The following SALL1 variants were observed in gnomAD, a reference collection of about 807,000 sequenced individuals.
SALL1 encodes the protein sal-like protein 1.
In SALL1, 10 loss-of-function variants were observed where a neutral mutation model predicts 73.1. That is an observed-to-expected ratio of 0.14 (90% CI 0.08 to 0.23). The LOEUF is 0.23. Ranked by LOEUF, SALL1 falls within the 10% of genes least tolerant of loss-of-function variation. The pLI is 1.00. For missense variants in SALL1, 1,520 were observed against 1,697.3 expected (o/e 0.90, Z 1.84); for synonymous variants, 688 against 689.8 (o/e 1.00, Z 0.04).
At chr16:51,147,288 A>T (rs1229345839) in intron 1 of SALL1, among the ~76,000 whole-genome samples, 17 of 152,188 alleles carry the variant, frequency 1.1e-4, no homozygotes, top group Admixed American at 1.1e-3. Flanking sequence ...TTGCTCATTT[A>T]TGTGTTTGTT....
At chr16:51,146,904 G>C (rs1962525811) in intron 1 of SALL1, among the ~76,000 whole-genome samples, 1 of 152,044 alleles carries the variant, frequency 6.6e-6, no homozygotes, top group Non-Finnish European at 1.5e-5. Flanking sequence ...AATATTTTTG[G>C]AATATTCTGG....
rs1962447564 is a variant in SALL1 at position 51,141,965 on chromosome 16, GAGA to G, written c.254_256del (p.Phe85del). On this transcript the variant is annotated inframe_deletion, in exon 2 of 3. Transcript: ENST00000251020. The surrounding 1 kb of genome is among the most constrained non-coding windows in gnomAD (Gnocchi z 5.4). ...AGGATTATCAGGAGGGGGGCTGGGGGAGAAGGTTTCGGGTGGGGAGGCTGGATT... is the reference window on the plus strand; with the variant it reads ...AGGATTATCAGGAGGGGGGCTGGGGGAGGTTTCGGGTGGGGAGGCTGGATT... 6.2e-7 allele frequency: 1 copy of G among 1,613,786 alleles called. No individual in the cohort carries two copies. The highest frequency in any genetic ancestry group is 8.5e-7 in the Non-Finnish European group (1 of 1,179,852).
chr16:51,142,199 C>A (rs79146613), intron 1 of SALL1, 54 bp from the exon 2 acceptor site: 3 of 1,355,508 alleles, frequency 2.2e-6, no homozygotes, highest in East Asian at 4.6e-5. Context: ...CACACAGTCA[C>A]CTATGACTTA....
rs771341159 is a variant in SALL1 at position 51,138,925 on chromosome 16, G to C, written c.3297C>G (p.Asp1099Glu). Residue 1099 changes from aspartate (D) to glutamate (E), a missense_variant, in exon 2 of 3, where the codon GAC becomes GAG. Asp to Glu is a conservative substitution (Grantham distance 45). Transcript: ENST00000251020. Reference protein sequence around the residue: ...VNGFVHVSPQDSKDTPTSHVP... With the variant: ...VNGFVHVSPQESKDTPTSHVP... Reference sequence around the variant, plus strand: ...CGTGACTGGTGGGGGTGTCCTTACTGTCCTGAGGAGAAACATGCACGAAGC... The same window carrying C: ...CGTGACTGGTGGGGGTGTCCTTACTCTCCTGAGGAGAAACATGCACGAAGC... 5 of 1,614,066 alleles carry C rather than the reference G, an allele frequency of 3.1e-6. No individual in the cohort carries two copies. The African/African-American group carries it at 4.0e-5, about 13-fold the overall frequency.
upstream of SALL1, among the ~76,000 whole-genome samples, chr16:51,151,539 G>C (rs1312738934): frequency 6.6e-6 from 1 of 151,830 alleles, no homozygotes; most frequent in Non-Finnish European, 1.5e-5. Context: ...GCAGACCCCT[G>C]TCTCTCCGCG....
upstream of SALL1, chr16:51,151,494 C>A (rs1338829426): frequency 1.2e-5 from 2 of 168,424 alleles, no homozygotes; most frequent in African/African-American, 4.8e-5. Flanking sequence ...GCTATTCAAA[C>A]CCGCTCGCCT....
At position 51,141,970 on chromosome 16, in the gene SALL1, G is replaced by C; in HGVS notation, c.252C>G (p.Thr84=). 1 of 1,613,964 alleles carries C rather than the reference G, an allele frequency of 6.2e-7. No homozygotes were observed. Among genetic ancestry groups the C allele is most frequent in the Non-Finnish European group, 8.5e-7 (1 of 1,179,990 alleles). Residue 84 remains threonine, a synonymous_variant, in exon 2 of 3, where the codon ACC becomes ACG. Coordinates refer to ENST00000251020, the MANE Select transcript of SALL1 (RefSeq NM_002968.3). This position sits in a 1 kb window ranked among gnomAD's most constrained non-coding sequence, Gnocchi z 5.4. ...TATCAGGAGGGGGGCTGGGGGAGAA[G>C]GTTTCGGGTGGGGAGGCTGGATTTT... The part of the protein sequence containing the change: ...VNENPASPPE[T]FSPSPPPDNP...
rs150909784 is a variant in SALL1, at chr16:51,139,483, A to G, written c.2739T>C (p.Ser913=). 36 of 1,614,080 alleles carry G rather than the reference A, an allele frequency of 2.2e-5. No individual in the cohort carries two copies. Among genetic ancestry groups the G allele is most frequent in the Non-Finnish European group, 3.0e-5 (35 of 1,180,040 alleles). Residue 913 remains serine (S), a synonymous_variant, in exon 2 of 3, where the codon AGT becomes AGC. Coordinates refer to ENST00000251020, the MANE Select transcript of SALL1 (RefSeq NM_002968.3). The stretch of plus-strand genomic sequence containing the variant: ...ACTCTGAGATGGCTGGGCTGCCAGC[A>G]CTTTGGCTTTCCATGTCACCACCCA... ...SSVGGDMESQ[S]AGSPAISEST...
At chr16:51,147,078 C>T (rs906892005) in intron 1 of SALL1, among the ~76,000 whole-genome samples, 3 of 152,134 alleles carry the variant, frequency 2.0e-5, no homozygotes, top group Non-Finnish European at 4.4e-5. Context: ...TGGAGTTCTA[C>T]CTTCTAAAAG....
chr16:51,147,538 G>A (rs889304580), intron 1 of SALL1, among the ~76,000 whole-genome samples: 2 of 151,992 alleles, frequency 1.3e-5, no homozygotes, highest in South Asian at 2.1e-4. Flanking sequence ...CTCAAAATGA[G>A]CAAATTACTT....
At chr16:51,151,976 T>TA (rs1962626107), upstream of SALL1, 1 of 150,626 alleles carries the variant, frequency 6.6e-6, no homozygotes, top group South Asian at 2.1e-4. Flanking sequence ...TTCGTTTCTT[T>TA]AAGAGCTACC....
In SALL1 at chr16:51,139,093, A is replaced by G. The variant is rs1383620012; in HGVS notation, c.3129T>C (p.Asn1043=). The part of the protein sequence containing the change: ...VCNRGFSTKG[N]LKQHMLTHQM... ...GATGTGTCAACATGTGCTGCTTCAA[A>G]TTACCCTTTGTGGAAAAGCCACGAT... The change falls in exon 2 of 3, where the codon AAT becomes AAC. Residue 1043 remains asparagine (N), a synonymous_variant. Coordinates refer to ENST00000251020, the MANE Select transcript of SALL1 (RefSeq NM_002968.3). The G allele has an allele frequency of 3.1e-6, 5 of 1,614,120 alleles. No individual in the cohort carries two copies. Among genetic ancestry groups the G allele is most frequent in the African/African-American group, 1.3e-5 (1 of 74,936 alleles).
At chr16:51,148,929 G>A (rs896395388) in intron 1 of SALL1, among the ~76,000 whole-genome samples, 1 of 152,102 alleles carries the variant, frequency 6.6e-6, no homozygotes, top group African/African-American at 2.4e-5. Flanking sequence ...AAGGCTGGGA[G>A]GGGGTGTTTC....
intron 1 of SALL1, among the ~76,000 whole-genome samples, chr16:51,144,613 T>C (rs2143459610): frequency 6.6e-6 from 1 of 152,330 alleles, no homozygotes; most frequent in South Asian, 2.1e-4. Context: ...TTTAATTCTT[T>C]ATAACTTGCA....
rs762734685 is a variant in SALL1, at chr16:51,138,867, A to G, written c.3355T>C (p.Ser1119Pro). 2 of 1,614,156 alleles carry G rather than the reference A, an allele frequency of 1.2e-6. No individual in the cohort carries two copies. The highest frequency in any genetic ancestry group is 8.5e-7 in the Non-Finnish European group (1 of 1,180,030). ...GGCAGAGCAGGGAGCAGAACTGGGG[A>G]TGTGGCAGAGGAAGACAGAGGCCCA... The part of the protein sequence containing the change: ...PSGPLSSSAT[S>P]PVLLPALPRR... The change falls in exon 2 of 3, where the codon TCC becomes CCC. Residue 1119 changes from serine to proline, a missense_variant. By Grantham distance (74) the Ser-to-Pro change is moderately conservative. Coordinates refer to ENST00000251020, the MANE Select transcript of SALL1 (RefSeq NM_002968.3).
In SALL1 at chr16:51,140,085, G is replaced by T; in HGVS notation, c.2137C>A (p.Arg713=). The change falls in exon 2 of 3, where the codon CGG becomes AGG. Residue 713 remains arginine (R), a synonymous_variant. Coordinates refer to ENST00000251020, the MANE Select transcript of SALL1 (RefSeq NM_002968.3). The surrounding 1 kb of genome is among the most constrained non-coding windows in gnomAD (Gnocchi z 5.7). The part of the protein sequence containing the change: ...TDPNECIICH[R]VLSCQSALKM... ...AAGGCGCTCTGGCAGCTGAGAACCC[G>T]GTGGCAGATGATGCACTCATTGGGG... The T allele has an allele frequency of 6.2e-7, 1 of 1,614,218 alleles. No homozygotes were observed. Among genetic ancestry groups the T allele is most frequent in the Non-Finnish European group, 8.5e-7 (1 of 1,180,040 alleles).
Position 51,140,031 on chromosome 16 carries a change from C to T in SALL1, c.2191G>A (p.Glu731Lys), listed in dbSNP as rs1466842238. 2 of 1,614,072 alleles carry T rather than the reference C, an allele frequency of 1.2e-6. No homozygotes were observed. Among genetic ancestry groups the T allele is most frequent in the Non-Finnish European group, 1.7e-6 (2 of 1,180,038 alleles). ...LKMHYRTHTGERPFKCKICGR... is the reference protein window; with the variant it reads ...LKMHYRTHTGKRPFKCKICGR... ...CAGATCTTACACTTAAAGGGCCTCT[C>T]CCCAGTGTGTGTCCTGTAGTGCATT... Residue 731 changes from glutamate to lysine, a missense_variant, in exon 2 of 3, where the codon GAG becomes AAG. Coordinates refer to ENST00000251020, the MANE Select transcript of SALL1 (RefSeq NM_002968.3). The surrounding 1 kb of genome is among the most constrained non-coding windows in gnomAD (Gnocchi z 5.7).
In SALL1 at chr16:51,140,628, T is replaced by C; in HGVS notation, c.1594A>G (p.Ile532Val). The C allele has an allele frequency of 6.2e-7, 1 of 1,614,138 alleles. No individual in the cohort carries two copies. Among genetic ancestry groups the C allele is most frequent in the Non-Finnish European group, 8.5e-7 (1 of 1,180,016 alleles). Reference sequence around the variant, plus strand: ...CTGGTGACTGGCTTCTCTGGAGGGATGGACATGCCATATGGGATGCCAGTA... The same window carrying C: ...CTGGTGACTGGCTTCTCTGGAGGGACGGACATGCCATATGGGATGCCAGTA... ...TSTGIPYGMS[I>V]PPEKPVTSWL... The change falls in exon 2 of 3, where the codon ATC becomes GTC. Residue 532 changes from isoleucine (I) to valine (V), a missense_variant. Ile to Val is a conservative substitution (Grantham distance 29). Around this residue, in one of 7 missense-constraint regions of SALL1, gnomAD observed 276 missense variants for 259.1 expected, o/e 1.07. Transcript: ENST00000251020. The surrounding 1 kb of genome is among the most constrained non-coding windows in gnomAD (Gnocchi z 5.7).
intron 1 of SALL1, chr16:51,149,379 A>T: frequency 6.6e-6 from 1 of 152,136 alleles, no homozygotes; most frequent in Non-Finnish European, 1.5e-5. Context: ...TTCCGGTGCA[A>T]AAGGTCTCAC....
Sources: allele counts gnomAD v4.1 joint callset (sites outside exome capture counted in the v4.1 genomes callset), GRCh38; gene constraint gnomAD v4.1.1; regional missense constraint gnomAD v4.1.1; non-coding constraint Gnocchi (gnomAD v3.1); transcripts MANE v1.5; gene names NCBI Gene and HGNC (gene_info 2026-07-23, HGNC 2026-07-21).